The following TAF1 variants were observed in gnomAD, a reference collection of about 807,000 sequenced individuals.
TAF1 encodes the protein TATA-box binding protein associated factor 1, also known as transcription initiation factor TFIID subunit 1.
In TAF1, 2 loss-of-function variants were observed where a neutral mutation model predicts 138.5. The ratio of observed to expected loss-of-function variants is 0.01; its 90% CI spans 0.01 to 0.05. TAF1 has a LOEUF of 0.05. TAF1 is among the 10% of genes least tolerant of loss of function. TAF1 has a pLI of 1.00. For synonymous variants in TAF1, 437 were observed against 503.2 expected (o/e 0.87, Z 1.76); for missense variants, 709 against 1,478.0 (o/e 0.48, Z 8.53).
At chrX:71,389,541 G>A (rs1569291912) in intron 17 of TAF1, 44 bp from the exon 18 acceptor site, 2 of 1,116,871 alleles carry the variant, frequency 1.8e-6, no homozygotes, top group Non-Finnish European at 2.4e-6. Context: ...TGTGCTTTGT[G>A]TTTTTTAACT....
intron 13 of TAF1, among the ~76,000 whole-genome samples, chrX:71,477,877 C>G (rs1378210967): frequency 9.2e-6 from 1 of 109,092 alleles, no homozygotes; most frequent in Non-Finnish European, 1.9e-5. Context: ...ACATGTAATC[C>G]CAGCTTCTCG....
At chrX:71,380,840 A>T (rs973540764) in intron 8 of TAF1, among the ~76,000 whole-genome samples, 1 of 111,187 alleles carries the variant, frequency 9.0e-6, no homozygotes, top group Non-Finnish European at 1.9e-5. Context: ...ATAGGCGTGC[A>T]CCGCTGTGCC....
chrX:71,451,385 A>G (rs765058057), intron 32 of TAF1, among the ~76,000 whole-genome samples: 2 of 112,203 alleles, frequency 1.8e-5, no homozygotes, highest in East Asian at 5.5e-4. Context: ...GTAATTTGGG[A>G]AATTTGACTC....
chrX:71,381,718 T>C, intron 8 of TAF1, 25 bp from the exon 9 acceptor site: 1 of 1,201,236 alleles, frequency 8.3e-7, no homozygotes, highest in Non-Finnish European at 1.1e-6. Flanking sequence ...TCTCTGTTAC[T>C]ATTTCCTCCT....
intron 3 of TAF1, 95 bp from the exon 4 acceptor site, chrX:71,375,072 T>C (rs2033371933): frequency 9.5e-7 from 1 of 1,052,537 alleles, no homozygotes; most frequent in East Asian, 3.2e-5. Context: ...CAAGACTCTG[T>C]CTCAAAAAAA....
At position 71,423,294 on chromosome X, in the gene TAF1, G is replaced by T. The variant is rs1303012885; in HGVS notation, c.4575+55G>T. 32 of 1,202,401 alleles carry T rather than the reference G, an allele frequency of 2.7e-5. No homozygotes were observed. The Admixed American group carries it at 7.0e-4, about 26-fold the overall frequency. ...GGATCGTGCAGGGGAAAGGAAAAAT[G>T]TTTAGGGTGTACACGTGTGTGTATT... On this transcript the variant is annotated intron_variant, in intron 30 of 37. Coordinates refer to ENST00000423759, the MANE Select transcript of TAF1 (RefSeq NM_004606.5).
intron 28 of TAF1, among the ~76,000 whole-genome samples, chrX:71,419,555 A>G (rs1404827231): frequency 2.7e-5 from 3 of 110,783 alleles, no homozygotes; most frequent in Non-Finnish European, 5.7e-5. Flanking sequence ...AAAGGAAACA[A>G]AATAGATCAC....
intron 37 of TAF1, among the ~76,000 whole-genome samples, chrX:71,463,165 T>A (rs1272378325): frequency 3.6e-5 from 4 of 111,948 alleles, no homozygotes; most frequent in Middle Eastern, 9.2e-3. Context: ...TCACAAAAAA[T>A]TTTGGAAGGT....
At chrX:71,394,780 T>A (rs990350070) in intron 22 of TAF1, among the ~76,000 whole-genome samples, 8 of 111,317 alleles carry the variant, frequency 7.2e-5, no homozygotes, top group African/African-American at 2.6e-4. Flanking sequence ...TATAGGTGCA[T>A]GCCACCATGC....
At position 71,377,091 on chromosome X, in the gene TAF1, A is replaced by G; in HGVS notation, c.614A>G (p.Asp205Gly). ...PQEATQAESE[D>G]GKLTLPLAGI... is the part of the protein sequence containing the mutation. ...GAAGCAACACAGGCAGAATCTGAAG[A>G]TGGAAAGCTGACCCTTCCATTGGCT... Residue 205 changes from aspartate (D) to glycine (G), a missense_variant, in exon 5 of 38, where the codon GAT (aspartate) becomes GGT (glycine). Asp to Gly is a moderately conservative substitution (Grantham distance 94). Around this residue, in one of 14 missense-constraint regions of TAF1, gnomAD observed 123 missense variants for 161.6 expected, o/e 0.76. Transcript: ENST00000423759. The G allele has an allele frequency of 8.3e-7, 1 of 1,209,785 alleles. No homozygotes were observed. The highest frequency in any genetic ancestry group is 2.3e-4 in the Middle Eastern group (1 of 4,353).
chrX:71,503,250 G>A (rs2039543718), intron 13 of TAF1, among the ~76,000 whole-genome samples: 1 of 99,143 alleles, frequency 1.0e-5, no homozygotes, highest in South Asian at 4.6e-4. Context: ...CAGCTGGGGT[G>A]ACAGAGTGAG....
Position 71,474,154 on chromosome X carries a change from A to G in TAF1, c.1366+13351A>G, listed in dbSNP as rs138687525. Among the ~76,000 whole-genome samples the G allele has an allele frequency of 3.5e-3, 372 of 107,085 alleles. 1 individual carries two copies. The highest frequency in any genetic ancestry group is 9.9e-3 in the South Asian group (25 of 2,531). The allele number at this position is 107,085 out of a possible 115,157, so 93.0% of individuals were successfully genotyped here. A position where few individuals can be genotyped will look rare whatever the true frequency, so the allele number is the denominator to read the frequency against. On this transcript the variant is annotated intron_variant and NMD_transcript_variant, in intron 13 of 14. Transcript: ENST00000373775. ...GAGCAAAACTCTGAAAAAAGAAAGA[A>G]AGAGAGAGAGAGAGAGCAAGCAAGC...
At chrX:71,490,291 C>A (rs759097809) in intron 13 of TAF1, among the ~76,000 whole-genome samples, 1 of 112,243 alleles carries the variant, frequency 8.9e-6, no homozygotes, top group East Asian at 2.8e-4. Context: ...TGTAAGAATA[C>A]AAATTCCTGT....
intron 13 of TAF1, among the ~76,000 whole-genome samples, chrX:71,520,386 A>G (rs1274063830): frequency 9.0e-6 from 1 of 110,503 alleles, no homozygotes; most frequent in Non-Finnish European, 1.9e-5. Flanking sequence ...TAACCCATTT[A>G]AGATTTTAGT....
At chrX:71,459,470 A>AGGG (rs972950277) in intron 35 of TAF1, 82 bp from the exon 36 acceptor site, 1 of 549,438 alleles carries the variant, frequency 1.8e-6, no homozygotes, top group Non-Finnish European at 2.6e-6. Flanking sequence ...CGGGGCGGGG[A>AGGG]GGGGGGGTGT....
At chrX:71,455,175 G>C (rs1490282950) in intron 34 of TAF1, among the ~76,000 whole-genome samples, 1 of 110,491 alleles carries the variant, frequency 9.1e-6, no homozygotes, top group Non-Finnish European at 1.9e-5. Flanking sequence ...CATGAATTTT[G>C]GGACTCTAGA....
intron 5 of TAF1, 121 bp downstream of exon 5, chrX:71,377,312 C>T (rs1176057721): frequency 2.9e-6 from 3 of 1,039,160 alleles, no homozygotes; most frequent in South Asian, 2.3e-5. Context: ...TTATTGGCTA[C>T]ATAAGAGCTC....
At chrX:71,494,547 C>G (rs760818166) in intron 13 of TAF1, among the ~76,000 whole-genome samples, 2 of 112,180 alleles carry the variant, frequency 1.8e-5, no homozygotes, top group Admixed American at 1.9e-4. Flanking sequence ...CCAGTGTGGC[C>G]CAGGGAAGCC....
rs1419625052 is a variant in TAF1, at chrX:71,437,519, G to A, written c.4753+13281G>A. 5.5e-5 allele frequency among the ~76,000 whole-genome samples: 6 copies of A among 108,514 alleles called. 1 individual carries two copies. The Admixed American group carries it at 6.0e-4, about 11-fold the overall frequency. The allele number at this position is 108,514 out of a possible 115,157, so 94.2% of individuals were successfully genotyped here. On this transcript the variant is annotated intron_variant, in intron 32 of 37. Coordinates refer to ENST00000423759, the MANE Select transcript of TAF1 (RefSeq NM_004606.5). ...AGGCCAGGAGTTCAAGACCAGCCTG[G>A]CCAACATGGTGAAACCCCATCTCTA...
Sources: allele counts gnomAD v4.1 joint callset (sites outside exome capture counted in the v4.1 genomes callset), GRCh38; gene constraint gnomAD v4.1.1; regional missense constraint gnomAD v4.1.1; transcripts MANE v1.5; gene names NCBI Gene and HGNC (gene_info 2026-07-23, HGNC 2026-07-21).